TM9SF4: variants seen among roughly 807,000 people sequenced by gnomAD.
TM9SF4 encodes dinucleotide oxidase disulfide thiol exchanger 3 superfamily member 4.
Under a neutral mutation model 90.4 loss-of-function variants are expected in TM9SF4, and 26 were observed. The ratio of observed to expected loss-of-function variants is 0.29; its 90% CI spans 0.21 to 0.40. The LOEUF is 0.40. TM9SF4 is among the 10% of genes least tolerant of loss of function. The pLI is 1.00. For synonymous variants in TM9SF4, 293 were observed against 315.4 expected, an observed-to-expected ratio of 0.93 and a Z score of 0.75; for missense variants, 549 against 834.8, an observed-to-expected ratio of 0.66 and a Z score of 4.22.
Position 32,167,196 on chromosome 20 carries a change from T to TA in TM9SF4, c.*1759dup, listed in dbSNP as rs1187381502. 6 of 152,278 alleles carry TA rather than the reference T, an allele frequency of 3.9e-5. No individual in the cohort carries two copies. The highest frequency in any genetic ancestry group is 1.3e-4 in the Admixed American group (2 of 15,288). 9.4% of individuals were successfully genotyped at this position (152,278 alleles called of 1,614,324 possible). On this transcript the variant is annotated 3_prime_UTR_variant, in exon 18 of 18. Transcript: ENST00000398022. ...AATCATTATCATTATTATTTTTAAT[T>TA]AAAAAAATGCCTGTATGCCTTTTTT...
intron 3 of TM9SF4, among the ~76,000 whole-genome samples, chr20:32,136,375 G>T (rs2046594709): frequency 6.6e-6 from 1 of 152,164 alleles, no homozygotes; most frequent in Non-Finnish European, 1.5e-5. Flanking sequence ...TAAGTGACTT[G>T]TCTTTGTTTA....
Position 32,151,017 on chromosome 20 carries a change from G to A in TM9SF4, c.1245+142G>A, listed in dbSNP as rs1041314111. 2.1e-5 allele frequency: 21 copies of A among 999,504 alleles called. No homozygotes were observed. The African/African-American group carries it at 2.6e-4, about 12-fold the overall frequency. 61.9% of individuals were successfully genotyped at this position (999,504 alleles called of 1,614,324 possible). On this transcript the variant is annotated intron_variant, in intron 12 of 17. Transcript: ENST00000398022. ...GCAAGACATAGCAGGAGCAGCACAG[G>A]TCCAAGGGCAGGAATCCCAGGCTGT...
chr20:32,111,528 C>T (rs1465822887), intron 1 of TM9SF4, among the ~76,000 whole-genome samples: 1 of 152,188 alleles, frequency 6.6e-6, no homozygotes, highest in Non-Finnish European at 1.5e-5. Context: ...AAGGTCCCTA[C>T]ACTTGTGGAG....
intron 2 of TM9SF4, among the ~76,000 whole-genome samples, chr20:32,135,426 C>T (rs910381745): frequency 2.6e-5 from 4 of 152,192 alleles, no homozygotes; most frequent in Non-Finnish European, 1.5e-5. Flanking sequence ...CCTTATAGAG[C>T]TTAAATCTTA....
intron 1 of TM9SF4, among the ~76,000 whole-genome samples, chr20:32,111,699 G>A (rs1474111875): frequency 6.6e-6 from 1 of 152,206 alleles, no homozygotes; most frequent in Non-Finnish European, 1.5e-5. Context: ...AGTCTTCTCA[G>A]AGGAGGTGAC....
chr20:32,158,524 G>T lies in TM9SF4; in HGVS notation c.1569+10G>T, dbSNP rs1168316769. On this transcript the variant is annotated intron_variant, in intron 15 of 17. Coordinates refer to ENST00000398022, the MANE Select transcript of TM9SF4 (RefSeq NM_014742.4). The stretch of plus-strand genomic sequence containing the variant: ...CTTCTTCATCTTCAGTGTGAGTACT[G>T]GTGCCTCCCCCACCCCTCCACCCAT... 1.9e-6 allele frequency: 3 copies of T among 1,613,752 alleles called. No homozygotes were observed. The highest frequency in any genetic ancestry group is 2.5e-6 in the Non-Finnish European group (3 of 1,179,960).
chr20:32,150,589 T>C (rs1283333332), intron 10 of TM9SF4, 33 bp from the exon 11 acceptor site: 2 of 1,613,496 alleles, frequency 1.2e-6, no homozygotes, highest in Admixed American at 3.3e-5. Context: ...CACCCTGCCT[T>C]TCTCTGCCCT....
chr20:32,110,033 G>T (rs949864041), intron 1 of TM9SF4: 2 of 1,379,366 alleles, frequency 1.4e-6, no homozygotes, highest in African/African-American at 2.9e-5. Flanking sequence ...TTTGGTCTCC[G>T]CCCACTGTGA....
intron 6 of TM9SF4, among the ~76,000 whole-genome samples, chr20:32,144,485 G>A (rs1405431795): frequency 6.6e-6 from 1 of 152,226 alleles, no homozygotes; most frequent in South Asian, 2.1e-4. Flanking sequence ...GTAGGTGAAC[G>A]TTTGAATTGA....
At chr20:32,163,268 A>AAAAATATAT (rs1555886757) in intron 17 of TM9SF4, among the ~76,000 whole-genome samples, 9 of 74,488 alleles carry the variant, frequency 1.2e-4, no homozygotes, top group African/African-American at 5.3e-4. Context: ...AAAAAAAAAA[A>AAAAATATAT]ATATATATAT....
At position 32,147,013 on chromosome 20, in the gene TM9SF4, G is replaced by A. The variant is rs558339761; in HGVS notation, c.954+158G>A. Among the ~76,000 whole-genome samples the A allele has an allele frequency of 2.8e-4, 41 of 147,060 alleles. No homozygotes were observed. The South Asian group carries it at 7.9e-3, about 28-fold the overall frequency. On this transcript the variant is annotated intron_variant, in intron 9 of 17. Coordinates refer to ENST00000398022, the MANE Select transcript of TM9SF4 (RefSeq NM_014742.4). ...TTTTTTTTTTTTGAGACGGAGTCTC[G>A]CTCTGTCACCAGGCTGGAGTGCAGT...
At chr20:32,109,978 C>T (rs779481113) in intron 1 of TM9SF4, 3 of 1,412,528 alleles carry the variant, frequency 2.1e-6, no homozygotes, top group African/African-American at 2.9e-5. Flanking sequence ...GGCGCCGTTT[C>T]GGAGGAAGAC....
intron 1 of TM9SF4, among the ~76,000 whole-genome samples, chr20:32,127,431 G>C (rs2046439288): frequency 6.6e-6 from 1 of 152,118 alleles, no homozygotes; most frequent in Non-Finnish European, 1.5e-5. Flanking sequence ...GCGAAATGGT[G>C]ACCAAAATCT....
At chr20:32,163,005 C>T (rs1023191237) in intron 17 of TM9SF4, among the ~76,000 whole-genome samples, 11 of 152,020 alleles carry the variant, frequency 7.2e-5, no homozygotes, top group African/African-American at 1.7e-4. Context: ...CCCAGCACTT[C>T]GGGAGGCCGA....
intron 5 of TM9SF4, 61 bp from the exon 6 acceptor site, chr20:32,142,921 A>G: frequency 6.3e-7 from 1 of 1,595,888 alleles, no homozygotes; most frequent in Non-Finnish European, 8.6e-7. Context: ...CAAGGGCCCT[A>G]ATACCTGGAG....
At chr20:32,133,403 T>C (rs775940083) in intron 2 of TM9SF4, among the ~76,000 whole-genome samples, 4 of 152,170 alleles carry the variant, frequency 2.6e-5, no homozygotes, top group East Asian at 1.9e-4. Flanking sequence ...GTCTCTGTCA[T>C]GTATGTGTCC....
At chr20:32,163,268 A>AAAAAAATAT (rs1555886757) in intron 17 of TM9SF4, among the ~76,000 whole-genome samples, 28 of 74,448 alleles carry the variant, frequency 3.8e-4, no homozygotes, top group African/African-American at 1.6e-3. Context: ...AAAAAAAAAA[A>AAAAAAATAT]ATATATATAT....
Position 32,166,620 on chromosome 20 carries a change from C to G in TM9SF4, c.*1176C>G, listed in dbSNP as rs1172155983. ...AAGGAAGATGGAAGGTAAGTTCTGTCGTTCTTTCCCCAATCCCCAGGAATG... is the reference window on the plus strand; with the variant it reads ...AAGGAAGATGGAAGGTAAGTTCTGTGGTTCTTTCCCCAATCCCCAGGAATG... On this transcript the variant is annotated 3_prime_UTR_variant, in exon 18 of 18. Coordinates refer to ENST00000398022, the MANE Select transcript of TM9SF4 (RefSeq NM_014742.4). 1 of 152,326 alleles carries G rather than the reference C, an allele frequency of 6.6e-6. No individual in the cohort carries two copies. The highest frequency in any genetic ancestry group is 1.5e-5 in the Non-Finnish European group (1 of 68,118). The allele number at this position is 152,326 out of a possible 1,614,324, so 9.4% of individuals were successfully genotyped here.
intron 3 of TM9SF4, among the ~76,000 whole-genome samples, chr20:32,140,905 G>C (rs1398295955): frequency 6.6e-6 from 1 of 152,062 alleles, no homozygotes; most frequent in Admixed American, 6.5e-5. Context: ...GGAAGCGACT[G>C]AGGCCCAGAG....
Sources: allele counts gnomAD v4.1 joint callset (sites outside exome capture counted in the v4.1 genomes callset), GRCh38; gene constraint gnomAD v4.1.1; transcripts MANE v1.5; gene names NCBI Gene and HGNC (gene_info 2026-07-23, HGNC 2026-07-21).